Variants in NRP1 observed in about 807,000 individuals in gnomAD.
NRP1 encodes neuropilin-1.
A neutral mutation model predicts 106.7 loss-of-function variants in NRP1; 35 were observed. The observed-to-expected ratio is 0.33, with a 90% CI of 0.25 to 0.43. The LOEUF (loss-of-function observed/expected upper bound fraction) is 0.43. NRP1 is among the 20% of genes least tolerant of loss of function. The pLI is 1.00. For synonymous variants in NRP1, 437 were observed against 417.9 expected, an observed-to-expected ratio of 1.05 and a Z score of -0.56; for missense variants, 1,024 against 1,170.4, an observed-to-expected ratio of 0.87 and a Z score of 1.83.
Position 33,269,907 on chromosome 10 carries a change from C to T in NRP1, c.430+768G>A, listed in dbSNP as rs552647749. ...TGGTTGCAGAAAAACAAGCTAAGGG[C>T]TCCCACTGATTCTACCTTATGGTGA... On this transcript the variant is annotated intron_variant, in intron 3 of 16. Transcript: ENST00000374867. Among the ~76,000 whole-genome samples, 5 of 152,324 alleles carry T rather than the reference C, an allele frequency of 3.3e-5. No individual in the cohort carries two copies. The South Asian group carries it at 8.3e-4, about 25-fold the overall frequency.
In NRP1 at chr10:33,320,673, G is replaced by A. The variant is rs936994848; in HGVS notation, c.248+10035C>T. ...CAGACGCTTCTCAGGGACACATTGC[G>A]GTTTTTCACCTCAACTCTTCATATA... On this transcript the variant is annotated intron_variant, in intron 2 of 16. Coordinates refer to ENST00000374867, the MANE Select transcript of NRP1 (RefSeq NM_003873.7). Among the ~76,000 whole-genome samples, 5 of 152,232 alleles carry A rather than the reference G, an allele frequency of 3.3e-5. No homozygotes were observed. In the South Asian group the frequency reaches 6.2e-4, roughly 19 times the overall value.
chr10:33,232,620 C>T (rs1450841034), intron 6 of NRP1, among the ~76,000 whole-genome samples: 10 of 149,282 alleles, frequency 6.7e-5, no homozygotes, highest in Admixed American at 1.3e-4. Context: ...TTCTAGTGGC[C>T]GCTTTCTTTT....
At chr10:33,203,376 T>A (rs1415012370) in intron 10 of NRP1, among the ~76,000 whole-genome samples, 1 of 152,262 alleles carries the variant, frequency 6.6e-6, no homozygotes, top group Admixed American at 6.5e-5. Flanking sequence ...ATTTTCAAGG[T>A]GTTAGAGCAC....
intron 2 of NRP1, among the ~76,000 whole-genome samples, chr10:33,326,712 A>G (rs1036304521): frequency 3.3e-5 from 5 of 152,212 alleles, no homozygotes; most frequent in African/African-American, 4.8e-5. Context: ...GCTGGCATAG[A>G]CACAGAATGT....
intron 2 of NRP1, among the ~76,000 whole-genome samples, chr10:33,303,876 A>T (rs116029723): frequency 2.1e-3 from 314 of 152,336 alleles, no homozygotes; most frequent in African/African-American, 7.1e-3. Context: ...CCCGTGTAGT[A>T]CTCACTATGA....
intron 15 of NRP1, 131 bp downstream of exon 15, chr10:33,185,497 C>T (rs1162578300): frequency 1.4e-5 from 9 of 651,504 alleles, no homozygotes; most frequent in Admixed American, 5.5e-5. Flanking sequence ...CCAGAATACG[C>T]ATTTCCTATG....
At chr10:33,291,511 T>C (rs1035868974) in intron 2 of NRP1, among the ~76,000 whole-genome samples, 3 of 152,212 alleles carry the variant, frequency 2.0e-5, no homozygotes, top group Non-Finnish European at 2.9e-5. Context: ...ACAAGACTTT[T>C]CCAGACAACT....
At chr10:33,275,424 C>T (rs780787968) in intron 2 of NRP1, among the ~76,000 whole-genome samples, 28 of 152,006 alleles carry the variant, frequency 1.8e-4, no homozygotes, top group Non-Finnish European at 2.9e-4. Context: ...AAAAATTAGC[C>T]GGGCATGGTG....
chr10:33,217,236 A>G (rs1838850688), intron 8 of NRP1, among the ~76,000 whole-genome samples: 1 of 152,182 alleles, frequency 6.6e-6, no homozygotes, highest in South Asian at 2.1e-4. Flanking sequence ...AACCGTCACC[A>G]GATTAATGCC....
At chr10:33,252,043 C>T (rs1841903053) in intron 6 of NRP1, among the ~76,000 whole-genome samples, 1 of 152,140 alleles carries the variant, frequency 6.6e-6, no homozygotes, top group African/African-American at 2.4e-5. Flanking sequence ...CCATCCTGGG[C>T]CTTTAATAAC....
rs775477172 is a variant in NRP1 at position 33,185,639 on chromosome 10, T to G, written c.2420A>C (p.Glu807Ala). 3 of 1,613,100 alleles carry G rather than the reference T, an allele frequency of 1.9e-6. No homozygotes were observed. Among genetic ancestry groups the G allele is most frequent in the Non-Finnish European group, 2.5e-6 (3 of 1,179,066 alleles). The change falls in exon 15 of 17, where the codon GAA becomes GCA. Residue 807 changes from glutamate to alanine, a missense_variant. This residue lies in a region of NRP1 where 164 missense variants were observed against 161.4 expected (regional missense o/e 1.02). Coordinates refer to ENST00000374867, the MANE Select transcript of NRP1 (RefSeq NM_003873.7). ...CAGCTCATACTTACTTGCACAATCT[T>G]CTTGTGAAATGTGGTTATTAATACT... ...DISINNHISQ[E>A]DCAKPADLDK...
intron 6 of NRP1, among the ~76,000 whole-genome samples, chr10:33,244,631 G>T (rs1272908130): frequency 6.6e-6 from 1 of 152,012 alleles, no homozygotes; most frequent in Non-Finnish European, 1.5e-5. Context: ...TGCTATTTAG[G>T]TTACAGAAGT....
intron 6 of NRP1, among the ~76,000 whole-genome samples, chr10:33,235,236 T>C (rs1006085242): frequency 2.0e-5 from 3 of 152,242 alleles, no homozygotes; most frequent in Admixed American, 6.5e-5. Flanking sequence ...GCAAGTAGCA[T>C]TGTCCAAAAG....
At chr10:33,310,641 T>A (rs1295955587) in intron 2 of NRP1, among the ~76,000 whole-genome samples, 1 of 152,138 alleles carries the variant, frequency 6.6e-6, no homozygotes, top group Non-Finnish European at 1.5e-5. Flanking sequence ...CTGGCCTCCA[T>A]CTCCTCTCAA....
rs746985525 is a variant in NRP1, at chr10:33,186,297, C to T, written c.2254G>A (p.Val752Ile). The T allele has an allele frequency of 3.7e-6, 6 of 1,614,148 alleles. No homozygotes were observed. In the South Asian group the frequency reaches 4.4e-5, roughly 12 times the overall value. The change falls in exon 14 of 17, where the codon GTC becomes ATC. Residue 752 changes from valine (V) to isoleucine (I), a missense_variant. This residue lies in a region of NRP1 where 562 missense variants were observed against 620.3 expected (regional missense o/e 0.91). Transcript: ENST00000374867. ...CCTTGGTGTCCAATGGCCATCCAGA[C>T]CAGCTGATCGTACTCCTCTGGCTTC... ...YQKPEEYDQLVWMAIGHQGDH... is the reference protein window; with the variant it reads ...YQKPEEYDQLIWMAIGHQGDH...
chr10:33,237,148 G>A (rs369420894), intron 6 of NRP1, among the ~76,000 whole-genome samples: 38 of 152,148 alleles, frequency 2.5e-4, no homozygotes, highest in African/African-American at 8.2e-4. Flanking sequence ...GAAATTACAC[G>A]AAACTGAAGA....
At chr10:33,231,338 TAGA>T (rs1840111352) in intron 6 of NRP1, among the ~76,000 whole-genome samples, 1 of 152,200 alleles carries the variant, frequency 6.6e-6, no homozygotes, top group African/African-American at 2.4e-5. Flanking sequence ...GTAAAGATGA[TAGA>T]AGAAAATTAA....
At chr10:33,217,247 C>T (rs1838851425) in intron 8 of NRP1, among the ~76,000 whole-genome samples, 1 of 152,046 alleles carries the variant, frequency 6.6e-6, no homozygotes, top group African/African-American at 2.4e-5. Context: ...GATTAATGCC[C>T]TTTCTCTAAT....
At chr10:33,192,036 A>T (rs1836453165) in intron 13 of NRP1, among the ~76,000 whole-genome samples, 1 of 151,256 alleles carries the variant, frequency 6.6e-6, no homozygotes, top group African/African-American at 2.4e-5. Context: ...ATCCTTGCCC[A>T]ATTTGCTGTT....
Sources: allele counts gnomAD v4.1 joint callset (sites outside exome capture counted in the v4.1 genomes callset), GRCh38; gene constraint gnomAD v4.1.1; regional missense constraint gnomAD v4.1.1; transcripts MANE v1.5; gene names NCBI Gene and HGNC (gene_info 2026-07-23, HGNC 2026-07-21).